Variants in NRXN2 observed in about 807,000 individuals in gnomAD.
NRXN2 encodes the protein neurexin-2-beta.
In NRXN2, 29 loss-of-function variants were observed where a neutral mutation model predicts 128.8. The observed-to-expected ratio is 0.23, with a 90% confidence interval of 0.17 to 0.31. NRXN2 has a LOEUF of 0.31. Among genes scored for constraint, NRXN2 ranks in the 10% least tolerant of loss-of-function variants. NRXN2 has a pLI of 1.00. For missense variants in NRXN2, 1,881 were observed against 2,452.6 expected, an observed-to-expected ratio of 0.77 and a Z score of 4.92; for synonymous variants, 1,098 against 1,075.2, an observed-to-expected ratio of 1.02 and a Z score of -0.41.
At chr11:64,715,319 C>A (rs533108614) in intron 1 of NRXN2, among the ~76,000 whole-genome samples, 9 of 152,282 alleles carry the variant, frequency 5.9e-5, no homozygotes, top group African/African-American at 2.2e-4. Context: ...CACGGCCAGT[C>A]AGCGGGGAAC....
intron 22 of NRXN2, among the ~76,000 whole-genome samples, chr11:64,619,530 G>A (rs2042009835): frequency 6.6e-6 from 1 of 152,094 alleles, no homozygotes; most frequent in Non-Finnish European, 1.5e-5. Context: ...CCAGCAAGAA[G>A]TATCAAGCAG....
rs2666558 is a variant in NRXN2 at position 64,714,107 on chromosome 11, G to A, written c.-244-164C>T. Among the ~76,000 whole-genome samples, 111,976 of 152,124 alleles carry A rather than the reference G, an allele frequency of 0.74. 43,517 individuals carry two copies. The highest frequency in any genetic ancestry group is 0.91 in the Middle Eastern group (269 of 294). On this transcript the variant is annotated intron_variant, in intron 1 of 22. Transcript: ENST00000265459. This position sits in a 1 kb window ranked among gnomAD's most constrained non-coding sequence, Gnocchi z 4.5. Reference sequence around the variant, plus strand: ...TGCAGAGGGTCCCGAGGCAAGAGACGCGGATTCCGGGGGCCAGCACTTAGG... The same window carrying A: ...TGCAGAGGGTCCCGAGGCAAGAGACACGGATTCCGGGGGCCAGCACTTAGG...
chr11:64,670,967 C>T (rs973610889), intron 7 of NRXN2, among the ~76,000 whole-genome samples: 4 of 152,228 alleles, frequency 2.6e-5, no homozygotes, highest in Non-Finnish European at 5.9e-5. Context: ...ACCCTATGGG[C>T]TCTCTCTATC....
chr11:64,658,943 G>A (rs958614989), intron 11 of NRXN2, among the ~76,000 whole-genome samples: 3 of 152,210 alleles, frequency 2.0e-5, no homozygotes, highest in Admixed American at 1.3e-4. Flanking sequence ...AGAATCACAT[G>A]AACCCGGGAG....
At chr11:64,705,699 G>A (rs1462730587) in intron 2 of NRXN2, among the ~76,000 whole-genome samples, 1 of 151,912 alleles carries the variant, frequency 6.6e-6, no homozygotes, top group Non-Finnish European at 1.5e-5. Flanking sequence ...CACCTGGAAT[G>A]TCAAGAGGCA....
At chr11:64,679,609 C>T (rs977162470) in intron 6 of NRXN2, among the ~76,000 whole-genome samples, 3 of 151,988 alleles carry the variant, frequency 2.0e-5, no homozygotes, top group Non-Finnish European at 4.4e-5. Context: ...TGCACTCCAG[C>T]CTGGGTGACA....
At chr11:64,618,953 T>C (rs2041929444) in intron 22 of NRXN2, among the ~76,000 whole-genome samples, 1 of 152,164 alleles carries the variant, frequency 6.6e-6, no homozygotes, top group African/African-American at 2.4e-5. Context: ...CCCTTGGTTT[T>C]TGAAGCTGAG....
intron 17 of NRXN2, among the ~76,000 whole-genome samples, chr11:64,638,818 CGG>C (rs1565253866): frequency 7.2e-5 from 11 of 152,270 alleles, no homozygotes; most frequent in South Asian, 4.2e-4. Context: ...GGCCCAGGTT[CGG>C]CACCTTCTGC....
intron 3 of NRXN2, among the ~76,000 whole-genome samples, chr11:64,695,240 ACTG>A (rs2054340423): frequency 1.3e-5 from 2 of 151,914 alleles, no homozygotes; most frequent in South Asian, 4.2e-4. Context: ...CCCTCCTCCC[ACTG>A]CTGGAAAAGA....
intron 7 of NRXN2, chr11:64,675,925 CCCACACACCA>C (rs1195046769): frequency 6.5e-6 from 1 of 154,402 alleles, no homozygotes; most frequent in Non-Finnish European, 1.4e-5. Flanking sequence ...CACAGTCACA[CCCACACACCA>C]ACACACACCA....
chr11:64,644,345 C>T (rs1212229991), intron 17 of NRXN2, among the ~76,000 whole-genome samples: 1 of 152,094 alleles, frequency 6.6e-6, no homozygotes, highest in African/African-American at 2.4e-5. Context: ...CTGCACAAGC[C>T]TCTCCTGGAC....
chr11:64,655,438 A>G (rs939573469), intron 11 of NRXN2, among the ~76,000 whole-genome samples: 8 of 152,072 alleles, frequency 5.3e-5, no homozygotes, highest in Non-Finnish European at 1.5e-5. Flanking sequence ...GGCTGGACAG[A>G]AGAGGAAGGG....
rs2044552911 is a variant in NRXN2 at position 64,635,412 on chromosome 11, G to A, written c.3444C>T (p.Ile1148=). Residue 1148 remains isoleucine, a synonymous_variant, in exon 18 of 23, where the codon ATC becomes ATT. Transcript: ENST00000265459. This position sits in a 1 kb window ranked among gnomAD's most constrained non-coding sequence, Gnocchi z 4.8. ...TYIFGKGGAL[I]TYTWPPNDRP... Reference sequence around the variant, plus strand: ...TGTCATTGGGGGGCCACGTGTAGGTGATGAGCGCTCCCCCCTTCCCAAAGA... The same window carrying A: ...TGTCATTGGGGGGCCACGTGTAGGTAATGAGCGCTCCCCCCTTCCCAAAGA... 2 of 1,613,752 alleles carry A rather than the reference G, an allele frequency of 1.2e-6. No individual in the cohort carries two copies. Among genetic ancestry groups the A allele is most frequent in the Non-Finnish European group, 1.7e-6 (2 of 1,180,020 alleles).
At chr11:64,650,771 G>T in intron 14 of NRXN2, 133 bp from the exon 15 acceptor site, 1 of 852,500 alleles carries the variant, frequency 1.2e-6, no homozygotes, top group Non-Finnish European at 1.9e-6. Flanking sequence ...CCCCAGAGGA[G>T]AGCGACCAAA....
In NRXN2 at chr11:64,713,438, G is replaced by C. The variant is rs781507844; in HGVS notation, c.262C>G (p.Arg88Gly). Residue 88 changes from arginine to glycine, a missense_variant, in exon 2 of 23, where the codon CGG becomes GGG. Physicochemically the swap from Arg to Gly is moderately radical, Grantham distance 125 (BLOSUM62 -2). Around this residue, in one of 7 missense-constraint regions of NRXN2, gnomAD observed 997 missense variants for 1,240.8 expected, o/e 0.80. Transcript: ENST00000265459. ...LELLLVDGRL[R>G]LRFTLSCAEP... The stretch of plus-strand genomic sequence containing the variant: ...GCGCACGAAAGCGTGAAGCGCAGCC[G>C]CAGGCGGCCGTCCACCAGCAGCAGC... 1.3e-6 allele frequency: 2 copies of C among 1,514,076 alleles called. No individual in the cohort carries two copies. The highest frequency in any genetic ancestry group is 5.3e-5 in the East Asian group (2 of 38,020). The allele number at this position is 1,514,076 out of a possible 1,614,324, so 93.8% of individuals were successfully genotyped here.
chr11:64,711,490 C>T (rs2056886375), intron 2 of NRXN2, among the ~76,000 whole-genome samples: 1 of 152,284 alleles, frequency 6.6e-6, no homozygotes, highest in South Asian at 2.1e-4. Context: ...CTCAGCGCCC[C>T]CTGCCCCCCG....
chr11:64,662,789 AAAAT>A (rs1016869579), intron 9 of NRXN2, among the ~76,000 whole-genome samples: 2 of 151,762 alleles, frequency 1.3e-5, no homozygotes, highest in Non-Finnish European at 2.9e-5. Flanking sequence ...CTCAAAAAAA[AAAAT>A]AAATAAATAA....
At chr11:64,640,090 A>C (rs1287551360) in intron 17 of NRXN2, among the ~76,000 whole-genome samples, 1 of 143,918 alleles carries the variant, frequency 6.9e-6, no homozygotes, top group Non-Finnish European at 1.5e-5. Flanking sequence ...ACCCCCTTCT[A>C]TCGCCATCCT....
intron 3 of NRXN2, among the ~76,000 whole-genome samples, chr11:64,693,249 A>G (rs2054077040): frequency 6.7e-6 from 1 of 149,240 alleles, no homozygotes; most frequent in East Asian, 1.9e-4. Flanking sequence ...TCTTGCCGGA[A>G]AAAAAAAAAG....
Sources: gnomAD v4.1 joint callset for allele counts (sites outside exome capture counted in the v4.1 genomes callset) on GRCh38, gnomAD v4.1.1 for gene constraint, gnomAD v4.1.1 regional missense constraint, Gnocchi (gnomAD v3.1) non-coding constraint, MANE v1.5 for transcripts, NCBI Gene and HGNC (gene_info 2026-07-23, HGNC 2026-07-21) for gene names.